CNIH3: variants seen among roughly 807,000 people sequenced by gnomAD.
CNIH3 encodes cornichon family AMPA receptor auxiliary protein 3.
A neutral mutation model predicts 24.1 loss-of-function variants in CNIH3; 14 were observed. The observed-to-expected ratio is 0.58, with a 90% CI of 0.38 to 0.91. The LOEUF (loss-of-function observed/expected upper bound fraction) is 0.91, where lower values mean the gene tolerates loss of function less well. CNIH3 is among the 40% of genes least tolerant of loss of function. CNIH3 has a pLI of 0.00. For missense variants in CNIH3, 178 were observed against 196.8 expected (o/e 0.90, Z 0.57); for synonymous variants, 68 against 73.8 (o/e 0.92, Z 0.40).
intron 1 of CNIH3, among the ~76,000 whole-genome samples, chr1:224,646,393 C>T (rs1684608343): frequency 6.6e-6 from 1 of 152,156 alleles, no homozygotes; most frequent in Non-Finnish European, 1.5e-5. Context: ...TTGTTACAAG[C>T]ATGTTGTTTG....
intron 1 of CNIH3, among the ~76,000 whole-genome samples, chr1:224,623,683 A>G (rs1683390410): frequency 6.6e-6 from 1 of 152,088 alleles, no homozygotes; most frequent in African/African-American, 2.4e-5. Context: ...CCTCCCCAGA[A>G]TTCTGATTAA....
chr1:224,568,028 A>C (rs1680652541), intron 4 of CNIH3, among the ~76,000 whole-genome samples: 1 of 152,226 alleles, frequency 6.6e-6, no homozygotes, highest in South Asian at 2.1e-4. Flanking sequence ...ACGGTGGCTC[A>C]AGCCTGTAAT....
At chr1:224,692,843 A>G (rs977873374) in intron 3 of CNIH3, among the ~76,000 whole-genome samples, 5 of 152,140 alleles carry the variant, frequency 3.3e-5, no homozygotes, top group Admixed American at 2.6e-4. Context: ...TTTTCGAAAC[A>G]TGCTCCTTAA....
intron 1 of CNIH3, chr1:224,459,115 C>T: frequency 2.7e-6 from 2 of 736,668 alleles, no homozygotes; most frequent in Non-Finnish European, 3.3e-6. Context: ...CTGACTTCCT[C>T]TCTGGTAGCC....
chr1:224,521,906 G>T (rs1678650610), intron 2 of CNIH3, among the ~76,000 whole-genome samples: 1 of 152,154 alleles, frequency 6.6e-6, no homozygotes, highest in Admixed American at 6.5e-5. Flanking sequence ...GACAGGAATG[G>T]TACCTAGCAA....
intron 1 of CNIH3, among the ~76,000 whole-genome samples, chr1:224,485,087 T>C (rs1676975094): frequency 6.6e-6 from 1 of 152,182 alleles, no homozygotes; most frequent in African/African-American, 2.4e-5. Flanking sequence ...CCTACTAATA[T>C]TTTTGAGCTT....
chr1:224,561,564 G>A lies in CNIH3; in HGVS notation n.451-4635G>A, dbSNP rs920163778. On this transcript the variant is annotated intron_variant and non_coding_transcript_variant, in intron 3 of 5. Transcript: ENST00000471578. ...TACTAAAGCTGGGCCAATTCTGCTC[G>A]ATGTGGCCTCTTCTAATGGGAACCT... Among the ~76,000 whole-genome samples, 11 of 152,270 alleles carry A rather than the reference G, an allele frequency of 7.2e-5. No individual in the cohort carries two copies. In the East Asian group the frequency reaches 1.3e-3, roughly 19 times the overall value.
At chr1:224,723,261 G>A (rs574189309) in intron 3 of CNIH3, among the ~76,000 whole-genome samples, 34 of 152,182 alleles carry the variant, frequency 2.2e-4, no homozygotes, top group African/African-American at 5.3e-4. Flanking sequence ...GTCCCAACAG[G>A]GGCCTCTGGG....
At position 224,658,112 on chromosome 1, in the gene CNIH3, A is replaced by G. The variant is rs943213230; in HGVS notation, c.82-22846A>G. ...CCTAATATGTCTCTCTTGGAATTCA[A>G]GGGACCCTAATAGCTAAAAAATTAG... On this transcript the variant is annotated intron_variant, in intron 1 of 5. Coordinates refer to ENST00000272133, the MANE Select transcript of CNIH3 (RefSeq NM_152495.2). Among the ~76,000 whole-genome samples the G allele has an allele frequency of 3.9e-5, 6 of 152,216 alleles. No individual in the cohort carries two copies. The East Asian group carries it at 7.7e-4, about 20-fold the overall frequency.
chr1:224,533,606 T>C (rs1469928166), intron 2 of CNIH3, among the ~76,000 whole-genome samples: 1 of 152,220 alleles, frequency 6.6e-6, no homozygotes, highest in Non-Finnish European at 1.5e-5. Flanking sequence ...GAATCTGTTG[T>C]GTGCCCTTCT....
intron 1 of CNIH3, among the ~76,000 whole-genome samples, chr1:224,463,099 T>C (rs928401737): frequency 1.3e-5 from 2 of 151,946 alleles, no homozygotes; most frequent in African/African-American, 2.4e-5. Context: ...GGTTTCATCA[T>C]GTTGGCCAGG....
intron 3 of CNIH3, among the ~76,000 whole-genome samples, chr1:224,696,068 T>G (rs966143064): frequency 1.3e-5 from 2 of 152,134 alleles, no homozygotes; most frequent in African/African-American, 4.8e-5. Flanking sequence ...TGAAACATGA[T>G]GGGGCTCACT....
intron 3 of CNIH3, among the ~76,000 whole-genome samples, chr1:224,593,687 T>A (rs1465487571): frequency 6.6e-6 from 1 of 152,218 alleles, no homozygotes; most frequent in Non-Finnish European, 1.5e-5. Context: ...TTGTCAATTT[T>A]AAAAAATTTA....
intron 1 of CNIH3, among the ~76,000 whole-genome samples, chr1:224,679,339 C>CAAAACA (rs1210493176): frequency 1.1e-4 from 16 of 151,744 alleles, no homozygotes; most frequent in South Asian, 2.1e-4. Context: ...GACTCTGTCT[C>CAAAACA]AAAACAAAAA....
chr1:224,658,621 C>A (rs1392546292), intron 1 of CNIH3, among the ~76,000 whole-genome samples: 3 of 151,362 alleles, frequency 2.0e-5, no homozygotes, highest in Non-Finnish European at 4.4e-5. Flanking sequence ...AAAAAAAACA[C>A]CAAATCCCGA....
chr1:224,728,644 CCT>C (rs1024405825), intron 3 of CNIH3, among the ~76,000 whole-genome samples: 4 of 152,170 alleles, frequency 2.6e-5, no homozygotes, highest in African/African-American at 9.7e-5. Context: ...TGTGTTTCTC[CCT>C]CTGTGTCTGC....
intron 2 of CNIH3, among the ~76,000 whole-genome samples, chr1:224,530,853 C>T (rs1558134589): frequency 6.6e-6 from 1 of 152,280 alleles, no homozygotes; most frequent in African/African-American, 2.4e-5. Flanking sequence ...CTGCCTCGGC[C>T]TCCCAAAGTG....
chr1:224,579,852 T>C (rs1348754368), intron 4 of CNIH3, among the ~76,000 whole-genome samples: 2 of 152,230 alleles, frequency 1.3e-5, no homozygotes, highest in East Asian at 1.9e-4. Context: ...CCTGAGGCTC[T>C]CACCAGATGC....
At chr1:224,626,623 G>C (rs1253404913) in intron 1 of CNIH3, among the ~76,000 whole-genome samples, 2 of 152,158 alleles carry the variant, frequency 1.3e-5, no homozygotes, top group African/African-American at 4.8e-5. Flanking sequence ...CTAGGGCATG[G>C]GGATTGAAGA....
Sources: allele counts gnomAD v4.1 joint callset (sites outside exome capture counted in the v4.1 genomes callset), GRCh38; gene constraint gnomAD v4.1.1; transcripts MANE v1.5; gene names NCBI Gene and HGNC (gene_info 2026-07-23, HGNC 2026-07-21).